Variants in CRPPA observed in about 807,000 individuals in gnomAD.
CRPPA encodes the protein D-ribitol-5-phosphate cytidylyltransferase.
In CRPPA, 43 loss-of-function variants were observed where a neutral mutation model predicts 52.0. That is an observed-to-expected ratio of 0.83 (90% confidence interval 0.65 to 1.07). CRPPA has a LOEUF of 1.07. CRPPA is among the 50% of genes least tolerant of loss of function. The probability of loss-of-function intolerance (pLI) is 0.00; values close to 1 mark genes in which losing one functional copy is unlikely to be tolerated. For synonymous variants in CRPPA, 250 were observed against 203.5 expected (o/e 1.23, Z -1.94); for missense variants, 629 against 551.7 (o/e 1.14, Z -1.40).
chr7:16,295,509 C>T (rs1165999574), intron 5 of CRPPA, among the ~76,000 whole-genome samples: 1 of 151,708 alleles, frequency 6.6e-6, no homozygotes, highest in Non-Finnish European at 1.5e-5. Flanking sequence ...ACAAGTATAA[C>T]CAAGAAAGAA....
At chr7:16,274,117 T>G (rs1784153876) in intron 6 of CRPPA, among the ~76,000 whole-genome samples, 1 of 152,192 alleles carries the variant, frequency 6.6e-6, no homozygotes, top group African/African-American at 2.4e-5. Context: ...CGGCGCGATC[T>G]CGGCTCACTG....
rs1288372117 is a variant in CRPPA at position 16,342,782 on chromosome 7, A to AT, written c.684+33309_684+33310insA. On this transcript the variant is annotated intron_variant, in intron 3 of 9. Coordinates refer to ENST00000407010, the MANE Select transcript of CRPPA (RefSeq NM_001101426.4). Reference sequence around the variant, plus strand: ...TCTCCACAAAAAAAAAAAAAAAAAAAATATATATATATATATCTATATAGA... The same window carrying AT: ...TCTCCACAAAAAAAAAAAAAAAAAAATATATATATATATATATCTATATAGA... Among the ~76,000 whole-genome samples the AT allele has an allele frequency of 8.9e-4, 68 of 76,514 alleles. 8 individuals carry two copies. Among genetic ancestry groups the AT allele is most frequent in the Admixed American group, 2.1e-3 (13 of 6,184 alleles). The allele number at this position is 76,514 out of a possible 152,430, so 50.2% of individuals were successfully genotyped here.
chr7:16,153,916 G>C (rs1262193899), intron 9 of CRPPA, among the ~76,000 whole-genome samples: 1 of 151,636 alleles, frequency 6.6e-6, no homozygotes, highest in Non-Finnish European at 1.5e-5. Context: ...TTTGTTTTGT[G>C]TTTTATGTAG....
intron 3 of CRPPA, among the ~76,000 whole-genome samples, chr7:16,355,549 G>C (rs971638072): frequency 2.0e-5 from 3 of 152,266 alleles, no homozygotes; most frequent in African/African-American, 7.2e-5. Context: ...ACTTTACCCA[G>C]CCCTTTACTT....
At chr7:16,356,399 T>C (rs867654276) in intron 3 of CRPPA, among the ~76,000 whole-genome samples, 1 of 152,202 alleles carries the variant, frequency 6.6e-6, no homozygotes, top group Non-Finnish European at 1.5e-5. Context: ...GTATTAAAGA[T>C]AGCCACAAAT....
At chr7:16,186,022 T>C (rs1284011487) in intron 9 of CRPPA, among the ~76,000 whole-genome samples, 2 of 152,186 alleles carry the variant, frequency 1.3e-5, no homozygotes, top group Non-Finnish European at 2.9e-5. Flanking sequence ...AAATAAATGA[T>C]AAATTTAGAT....
At chr7:16,104,774 C>A (rs945013639) in intron 9 of CRPPA, among the ~76,000 whole-genome samples, 9 of 151,994 alleles carry the variant, frequency 5.9e-5, no homozygotes, top group Non-Finnish European at 1.3e-4. Context: ...GTGGCGTGCG[C>A]CTGTAGTCCC....
chr7:16,366,259 G>C (rs1275782521), intron 3 of CRPPA, among the ~76,000 whole-genome samples: 2 of 152,160 alleles, frequency 1.3e-5, no homozygotes, highest in African/African-American at 4.8e-5. Context: ...TATCACCTTG[G>C]TGGTTAGGTT....
chr7:16,227,356 A>C (rs765476944), intron 8 of CRPPA, among the ~76,000 whole-genome samples: 4 of 151,852 alleles, frequency 2.6e-5, no homozygotes, highest in Admixed American at 6.6e-5. Context: ...CCCACTAACA[A>C]GGGAATGTAT....
chr7:16,383,843 T>C (rs1787183062), intron 2 of CRPPA, among the ~76,000 whole-genome samples: 1 of 152,180 alleles, frequency 6.6e-6, no homozygotes, highest in Admixed American at 6.5e-5. Flanking sequence ...TTTAAGCCCG[T>C]CGGAAAAGCG....
intron 9 of CRPPA, among the ~76,000 whole-genome samples, chr7:16,130,423 A>G (rs66933521): frequency 0.33 from 50,405 of 152,040 alleles, 9,787 homozygotes; most frequent in South Asian, 0.56. Context: ...AGAATAACCC[A>G]GCAGACTGTG....
intron 9 of CRPPA, among the ~76,000 whole-genome samples, chr7:16,150,591 C>G (rs1177837560): frequency 6.6e-6 from 1 of 152,140 alleles, no homozygotes; most frequent in Non-Finnish European, 1.5e-5. Context: ...TTAAAAAACA[C>G]TACCACGATA....
intron 3 of CRPPA, among the ~76,000 whole-genome samples, chr7:16,364,137 T>G (rs1786527014): frequency 6.6e-6 from 1 of 152,186 alleles, no homozygotes; most frequent in Non-Finnish European, 1.5e-5. Context: ...GAATACAGCC[T>G]TTACACTTAC....
intron 9 of CRPPA, among the ~76,000 whole-genome samples, chr7:16,112,092 A>T (rs1782276234): frequency 6.6e-6 from 1 of 152,162 alleles, no homozygotes; most frequent in South Asian, 2.1e-4. Context: ...AGGCGGGAAG[A>T]TTGCCTGAGC....
chr7:16,262,758 A>T (rs1167264880), intron 6 of CRPPA, among the ~76,000 whole-genome samples: 1 of 152,176 alleles, frequency 6.6e-6, no homozygotes, highest in African/African-American at 2.4e-5. Context: ...AGTTAAAAAT[A>T]AAAGAATTAT....
At chr7:16,376,606 AAT>A (rs777765745) in intron 2 of CRPPA, among the ~76,000 whole-genome samples, 12 of 152,200 alleles carry the variant, frequency 7.9e-5, no homozygotes, top group Non-Finnish European at 1.6e-4. Context: ...ATTGCAAATT[AAT>A]ATTAGTATAC....
At chr7:16,265,065 G>A (rs994034862) in intron 6 of CRPPA, among the ~76,000 whole-genome samples, 1 of 152,160 alleles carries the variant, frequency 6.6e-6, no homozygotes, top group Non-Finnish European at 1.5e-5. Context: ...TCTATAGCTT[G>A]TCCTCGTAGA....
At chr7:16,112,852 T>C (rs1364201367) in intron 9 of CRPPA, among the ~76,000 whole-genome samples, 2 of 152,104 alleles carry the variant, frequency 1.3e-5, no homozygotes, top group Non-Finnish European at 2.9e-5. Flanking sequence ...CTCTAAGCTA[T>C]ATATAAAGAT....
intron 2 of CRPPA, among the ~76,000 whole-genome samples, chr7:16,397,035 T>C (rs1007166231): frequency 6.6e-6 from 1 of 151,748 alleles, no homozygotes; most frequent in African/African-American, 2.4e-5. Context: ...CCAGAACAAA[T>C]GTGTAACACA....
Sources: allele counts gnomAD v4.1 joint callset (sites outside exome capture counted in the v4.1 genomes callset), GRCh38; gene constraint gnomAD v4.1.1; transcripts MANE v1.5; gene names NCBI Gene and HGNC (gene_info 2026-07-23, HGNC 2026-07-21).